RSRC1: variants seen among roughly 807,000 people sequenced by gnomAD.
RSRC1 encodes the protein arginine and serine rich coiled-coil 1, also known as serine/Arginine-related protein 53.
A neutral mutation model predicts 49.1 loss-of-function variants in RSRC1; 39 were observed. The observed-to-expected ratio is 0.79, with a 90% CI of 0.61 to 1.04. The LOEUF (loss-of-function observed/expected upper bound fraction) is 1.04. Among genes scored for constraint, RSRC1 ranks in the 50% least tolerant of loss-of-function variants. The probability of loss-of-function intolerance (pLI) is 0.00; values close to 1 mark genes in which losing one functional copy is unlikely to be tolerated. For synonymous variants in RSRC1, 143 were observed against 130.8 expected (o/e 1.09, Z -0.63); for missense variants, 388 against 402.4 (o/e 0.96, Z 0.31).
At chr3:158,250,475 T>G (rs1003971103) in intron 4 of RSRC1, among the ~76,000 whole-genome samples, 7 of 152,326 alleles carry the variant, frequency 4.6e-5, no homozygotes, top group Non-Finnish European at 1.0e-4. Context: ...TCACCAGCAT[T>G]TGTTATTGTC....
chr3:158,235,032 A>C (rs1723164413), intron 4 of RSRC1, among the ~76,000 whole-genome samples: 1 of 152,158 alleles, frequency 6.6e-6, no homozygotes, highest in Non-Finnish European at 1.5e-5. Flanking sequence ...AGGGTTACAC[A>C]GATGGAAATT....
intron 6 of RSRC1, among the ~76,000 whole-genome samples, chr3:158,372,279 T>C (rs1222711757): frequency 6.6e-6 from 1 of 151,914 alleles, no homozygotes; most frequent in Non-Finnish European, 1.5e-5. Flanking sequence ...TGTTTTCTTC[T>C]AGAGTTTTTA....
intron 3 of RSRC1, among the ~76,000 whole-genome samples, chr3:158,143,016 T>C (rs74527273): frequency 0.038 from 5,711 of 152,266 alleles, 362 homozygotes; most frequent in African/African-American, 0.13. Flanking sequence ...ACATTTCCAA[T>C]ACAGGTATTT....
intron 6 of RSRC1, among the ~76,000 whole-genome samples, chr3:158,423,438 C>G (rs1322028666): frequency 1.3e-5 from 2 of 151,942 alleles, no homozygotes; most frequent in Non-Finnish European, 2.9e-5. Context: ...TGATCTATAT[C>G]TCTGTTTTGG....
chr3:158,343,732 G>C (rs754198053), intron 5 of RSRC1, among the ~76,000 whole-genome samples: 1 of 152,084 alleles, frequency 6.6e-6, no homozygotes, highest in Admixed American at 6.6e-5. Flanking sequence ...AAATGGATTA[G>C]TGAGCTCGAA....
intron 5 of RSRC1, among the ~76,000 whole-genome samples, chr3:158,326,226 T>C (rs1215257010): frequency 1.3e-5 from 2 of 152,184 alleles, no homozygotes; most frequent in African/African-American, 2.4e-5. Context: ...TTTATTCCTT[T>C]CTCCTGCCTG....
chr3:158,196,683 C>G (rs1483603447), intron 3 of RSRC1, among the ~76,000 whole-genome samples: 1 of 152,030 alleles, frequency 6.6e-6, no homozygotes, highest in Non-Finnish European at 1.5e-5. Flanking sequence ...TCATCAATAC[C>G]TAATTTATTG....
At chr3:158,506,847 A>T (rs1739883573) in intron 7 of RSRC1, among the ~76,000 whole-genome samples, 1 of 148,718 alleles carries the variant, frequency 6.7e-6, no homozygotes, top group African/African-American at 2.4e-5. Flanking sequence ...TTATATATGT[A>T]TATATTTATA....
intron 3 of RSRC1, among the ~76,000 whole-genome samples, chr3:158,125,937 A>G (rs1477033035): frequency 6.6e-6 from 1 of 151,968 alleles, no homozygotes; most frequent in Non-Finnish European, 1.5e-5. Flanking sequence ...ATAATGACCC[A>G]TTTATCATTA....
At chr3:158,294,855 G>T (rs952262274) in intron 4 of RSRC1, among the ~76,000 whole-genome samples, 1 of 152,184 alleles carries the variant, frequency 6.6e-6, no homozygotes, top group East Asian at 1.9e-4. Flanking sequence ...GTTGGAGATA[G>T]AGTGGGGCTG....
rs1331200602 is a variant in RSRC1, at chr3:158,478,224, A to C, written c.652+17221A>C. 4.0e-5 allele frequency among the ~76,000 whole-genome samples: 6 copies of C among 151,550 alleles called. No individual in the cohort carries two copies. The South Asian group carries it at 8.3e-4, about 21-fold the overall frequency. On this transcript the variant is annotated intron_variant, in intron 7 of 9. Coordinates refer to ENST00000611884, the MANE Select transcript of RSRC1 (RefSeq NM_001271838.2). ...ACAATCATTTTACACTGTTAGACCT[A>C]GGTTTTGGGGTTTTTTTTTCTTTTT... is the stretch of plus-strand genomic sequence containing the variant.
chr3:158,122,303 T>C lies in RSRC1; in HGVS notation c.194+5T>C, dbSNP rs772634372. ...TTCACATTCTTATGATAGAAGGTGA[T>C]TTTTGTAATTTTTATTTATATAGTA... On this transcript the variant is annotated splice_donor_5th_base_variant and intron_variant, in intron 2 of 9. Coordinates refer to ENST00000611884, the MANE Select transcript of RSRC1 (RefSeq NM_001271838.2). 1 of 1,528,680 alleles carries C rather than the reference T, an allele frequency of 6.5e-7. No individual in the cohort carries two copies. Among genetic ancestry groups the C allele is most frequent in the Non-Finnish European group, 8.8e-7 (1 of 1,135,052 alleles). The allele number at this position is 1,528,680 out of a possible 1,614,324, so 94.7% of individuals were successfully genotyped here.
intron 4 of RSRC1, among the ~76,000 whole-genome samples, chr3:158,267,915 G>C (rs1174253876): frequency 8.3e-6 from 1 of 121,140 alleles, no homozygotes; most frequent in African/African-American, 3.2e-5. Flanking sequence ...GGATTCAGCT[G>C]TATTCTCCTG....
intron 7 of RSRC1, among the ~76,000 whole-genome samples, chr3:158,470,712 A>G (rs1738099696): frequency 6.6e-6 from 1 of 152,202 alleles, no homozygotes; most frequent in African/African-American, 2.4e-5. Context: ...AGCTGAATTT[A>G]TGTATATAAA....
At chr3:158,307,663 T>C (rs1727912211) in intron 5 of RSRC1, among the ~76,000 whole-genome samples, 1 of 151,858 alleles carries the variant, frequency 6.6e-6, no homozygotes, top group South Asian at 2.1e-4. Flanking sequence ...GGGATAGTTC[T>C]AGACAAACTT....
chr3:158,142,035 T>A (rs969930787), intron 3 of RSRC1, among the ~76,000 whole-genome samples: 1 of 152,048 alleles, frequency 6.6e-6, no homozygotes, highest in South Asian at 2.1e-4. Flanking sequence ...GAGGCAGAGG[T>A]TGCAGTGAGC....
chr3:158,331,572 C>A (rs564109580), intron 5 of RSRC1, among the ~76,000 whole-genome samples: 1 of 151,942 alleles, frequency 6.6e-6, no homozygotes, highest in South Asian at 2.1e-4. Flanking sequence ...TACTTCTAAG[C>A]CTAAAAATTC....
intron 4 of RSRC1, among the ~76,000 whole-genome samples, chr3:158,231,779 A>G (rs1445641357): frequency 1.3e-5 from 2 of 152,114 alleles, no homozygotes; most frequent in Non-Finnish European, 2.9e-5. Context: ...CTGGAGGGAA[A>G]GTGAAAATCT....
At position 158,244,178 on chromosome 3, in the gene RSRC1, A is replaced by G. The variant is rs371331856; in HGVS notation, c.494+40933A>G. ...AATACTATGTTGAATAGGAGTGGTG[A>G]GAGAGGGCATCGTCTTGTGCCAGTT... On this transcript the variant is annotated intron_variant, in intron 4 of 9. Coordinates refer to ENST00000611884, the MANE Select transcript of RSRC1 (RefSeq NM_001271838.2). Among the ~76,000 whole-genome samples, 25 of 152,250 alleles carry G rather than the reference A, an allele frequency of 1.6e-4. 1 individual carries two copies. In the East Asian group the frequency reaches 3.3e-3, roughly 20 times the overall value.
Sources: gnomAD v4.1 joint callset for allele counts (sites outside exome capture counted in the v4.1 genomes callset) on GRCh38, gnomAD v4.1.1 for gene constraint, MANE v1.5 for transcripts, NCBI Gene and HGNC (gene_info 2026-07-23, HGNC 2026-07-21) for gene names.